The following ALDH3A2 variants were observed in gnomAD, a reference collection of about 807,000 sequenced individuals.
ALDH3A2 encodes the protein aldehyde dehydrogenase family 3 member A2.
ALDH3A2 carries 36 observed loss-of-function variants against 51.3 expected under a neutral mutation model. That is an observed-to-expected ratio of 0.70 (90% CI 0.54 to 0.93). ALDH3A2 has a LOEUF of 0.93. Ranked by LOEUF, ALDH3A2 falls within the 40% of genes least tolerant of loss-of-function variation. The pLI is 0.00. For synonymous variants in ALDH3A2, 199 were observed against 219.8 expected, an observed-to-expected ratio of 0.91 and a Z score of 0.84; for missense variants, 552 against 603.1, an observed-to-expected ratio of 0.92 and a Z score of 0.89.
chr17:19,651,772 G>A lies in ALDH3A2; in HGVS notation c.379G>A (p.Ala127Thr), dbSNP rs1363743696. ...CATTCAGCCACTGATAGGAGCCATCGCTGCAGGTCTGGTGCCACCTTATGT... is the reference window on the plus strand; with the variant it reads ...CATTCAGCCACTGATAGGAGCCATCACTGCAGGTCTGGTGCCACCTTATGT... ...LTIQPLIGAI[A>T]AGNAVIIKPS... The change falls in exon 2 of 10, where the codon GCT becomes ACT. Residue 127 changes from alanine (A) to threonine (T), a missense_variant. By Grantham distance (58) the Ala-to-Thr change is moderately conservative. Transcript: ENST00000176643. 3 of 1,613,904 alleles carry A rather than the reference G, an allele frequency of 1.9e-6. No individual in the cohort carries two copies. The highest frequency in any genetic ancestry group is 1.7e-6 in the Non-Finnish European group (2 of 1,179,846).
At chr17:19,653,575 T>C (rs963555730) in intron 3 of ALDH3A2, among the ~76,000 whole-genome samples, 3 of 147,352 alleles carry the variant, frequency 2.0e-5, no homozygotes, top group Non-Finnish European at 3.0e-5. Flanking sequence ...GCATCTGGAG[T>C]TGTTAGTTCC....
intron 7 of ALDH3A2, 42 bp downstream of exon 7, chr17:19,663,541 CAA>C: frequency 6.3e-7 from 1 of 1,598,240 alleles, no homozygotes; most frequent in Non-Finnish European, 8.6e-7. Flanking sequence ...AAGCAACTGT[CAA>C]GAGTCATGTT....
At chr17:19,673,118 C>G in intron 9 of ALDH3A2, 1 of 1,613,924 alleles carries the variant, frequency 6.2e-7, no homozygotes, top group Non-Finnish European at 8.5e-7. Context: ...TTGGAGATAC[C>G]AGTTGCATTT....
chr17:19,666,778 A>AAAAT (rs150864433), intron 8 of ALDH3A2, among the ~76,000 whole-genome samples: 7,183 of 143,868 alleles, frequency 0.05, 219 homozygotes, highest in African/African-American at 0.081. Context: ...CTCCGATCTC[A>AAAAT]AAATAAATAA....
chr17:19,661,137 G>T lies in ALDH3A2; in HGVS notation c.809G>T (p.Gly270Val). Residue 270 changes from glycine (G) to valine (V), a missense_variant, in exon 6 of 10, where the codon GGA (glycine) becomes GTA (valine). Physicochemically the swap from Gly to Val is moderately radical, Grantham distance 109. Transcript: ENST00000176643. ...TGTTGTTTTAAATAGGAATTTTATG[G>T]AGAAAATATAAAAGAGTCTCCTGAT... ...KIKETVKEFY[G>V]ENIKESPDYE... 2 of 1,610,502 alleles carry T rather than the reference G, an allele frequency of 1.2e-6. No homozygotes were observed. The highest frequency in any genetic ancestry group is 1.7e-6 in the Non-Finnish European group (2 of 1,176,818).
intron 6 of ALDH3A2, among the ~76,000 whole-genome samples, chr17:19,662,985 A>G (rs997558552): frequency 6.6e-6 from 1 of 152,184 alleles, no homozygotes; most frequent in Non-Finnish European, 1.5e-5. Flanking sequence ...AGCCTGGGCA[A>G]CAAGGGCGAA....
upstream of ALDH3A2, chr17:19,648,307 A>C (rs1483979354): frequency 1.3e-5 from 2 of 152,684 alleles, no homozygotes; most frequent in African/African-American, 4.8e-5. Context: ...AGGAAGGAGC[A>C]GGGGACAGGG....
At position 19,650,433 on chromosome 17, in the gene ALDH3A2, T is replaced by G. The variant is rs900857613; in HGVS notation, c.154-1114T>G. 3.3e-5 allele frequency among the ~76,000 whole-genome samples: 5 copies of G among 151,858 alleles called. No homozygotes were observed. The South Asian group carries it at 1.0e-3, about 32-fold the overall frequency. On this transcript the variant is annotated intron_variant, in intron 1 of 9. Coordinates refer to ENST00000176643, the MANE Select transcript of ALDH3A2 (RefSeq NM_000382.3). ...GATACTAGGACTACAGGCATGAGGC[T>G]ATCATCTTGTTTTTGTTTTTGTTTT...
In ALDH3A2 at chr17:19,675,538, T is replaced by C. The variant is rs200034568; in HGVS notation, c.1444-20T>C. The C allele has an allele frequency of 4.3e-6, 7 of 1,613,800 alleles. No homozygotes were observed. Among genetic ancestry groups the C allele is most frequent in the East Asian group, 2.2e-5 (1 of 44,880 alleles). Reference sequence around the variant, plus strand: ...TTTTAAAGCAGCTGAGTAAACTGAATCCTTTTTTCCTCTCTCCAGGCAGAA... The same window carrying C: ...TTTTAAAGCAGCTGAGTAAACTGAACCCTTTTTTCCTCTCTCCAGGCAGAA... On this transcript the variant is annotated intron_variant, in intron 9 of 9. Transcript: ENST00000176643.
intron 3 of ALDH3A2, among the ~76,000 whole-genome samples, chr17:19,655,092 G>C (rs1251032455): frequency 6.6e-6 from 1 of 152,224 alleles, no homozygotes; most frequent in Non-Finnish European, 1.5e-5. Context: ...CCTTCCTGGG[G>C]AGGAAGTTAT....
rs200501128 is a variant in ALDH3A2 at position 19,673,220 on chromosome 17, A to G, written c.1443+1264A>G. The G allele has an allele frequency of 4.2e-5, 67 of 1,614,204 alleles. No individual in the cohort carries two copies. The African/African-American group carries it at 8.0e-4, about 19-fold the overall frequency. On this transcript the variant is annotated intron_variant, in intron 9 of 9. Coordinates refer to ENST00000176643, the MANE Select transcript of ALDH3A2 (RefSeq NM_000382.3). ...GGTAGTTCACAGACTGCGTTGGTCC[A>G]GTAAGCAGAGATGAACACCAGATTT...
At chr17:19,648,164 G>A (rs1025481773), upstream of ALDH3A2, 4 of 152,414 alleles carry the variant, frequency 2.6e-5, no homozygotes, top group Non-Finnish European at 4.4e-5. Context: ...GACGTGCGAG[G>A]ATGATGCTTG....
intron 1 of ALDH3A2, among the ~76,000 whole-genome samples, chr17:19,650,544 C>T (rs1241685154): frequency 6.6e-6 from 1 of 152,078 alleles, no homozygotes; most frequent in African/African-American, 2.4e-5. Context: ...AGCTCCACCT[C>T]CCGGGTTCAC....
intron 5 of ALDH3A2, among the ~76,000 whole-genome samples, chr17:19,660,417 C>G (rs2084951767): frequency 6.6e-6 from 1 of 151,930 alleles, no homozygotes. Flanking sequence ...GTTGGATGAA[C>G]AATGTTCATT....
In ALDH3A2 at chr17:19,675,867, G is replaced by A; in HGVS notation, c.*295G>A. The A allele has an allele frequency of 2.3e-6, 1 of 437,756 alleles. No homozygotes were observed. The highest frequency in any genetic ancestry group is 4.2e-6 in the Non-Finnish European group (1 of 237,550). The allele number at this position is 437,756 out of a possible 1,614,324, so 27.1% of individuals were successfully genotyped here. The stretch of plus-strand genomic sequence containing the variant: ...TAGACTAAATACAAACTGCGGGGTT[G>A]TAAGGGAGTCTCAGAACCTCACTGA... On this transcript the variant is annotated 3_prime_UTR_variant, in exon 10 of 10. Coordinates refer to ENST00000176643, the MANE Select transcript of ALDH3A2 (RefSeq NM_000382.3).
intron 7 of ALDH3A2, 40 bp downstream of exon 7, chr17:19,663,539 G>A (rs2152330733): frequency 1.3e-6 from 2 of 1,597,800 alleles, no homozygotes; most frequent in Non-Finnish European, 1.7e-6. Context: ...ATAAGCAACT[G>A]TCAAGAGTCA....
At chr17:19,652,695 T>C in intron 3 of ALDH3A2, 63 bp downstream of exon 3, 2 of 1,365,212 alleles carry the variant, frequency 1.5e-6, no homozygotes, top group Non-Finnish European at 2.1e-6. Flanking sequence ...CATTTTATTT[T>C]CTTGCTATTG....
In ALDH3A2 at chr17:19,663,401, C is replaced by A. The variant is rs777758188; in HGVS notation, c.1009C>A (p.Leu337Ile). ...VMQEEIFGPI[L>I]PIVPVKNVDE... Reference sequence around the variant, plus strand: ...GCAAGAAGAAATTTTTGGACCAATTCTTCCAATAGTGCCTGTGAAAAATGT... The same window carrying A: ...GCAAGAAGAAATTTTTGGACCAATTATTCCAATAGTGCCTGTGAAAAATGT... Residue 337 changes from leucine to isoleucine, a missense_variant, in exon 7 of 10, where the codon CTT (leucine) becomes ATT (isoleucine). Coordinates refer to ENST00000176643, the MANE Select transcript of ALDH3A2 (RefSeq NM_000382.3). The A allele has an allele frequency of 1.2e-6, 2 of 1,614,018 alleles. No individual in the cohort carries two copies.
At chr17:19,649,408 G>C (rs1181320991) in intron 1 of ALDH3A2, 1 of 428,210 alleles carries the variant, frequency 2.3e-6, no homozygotes. Context: ...TGATGTGTAG[G>C]AACTCTTTGT....
Sources: gnomAD v4.1 joint callset for allele counts (sites outside exome capture counted in the v4.1 genomes callset) on GRCh38, gnomAD v4.1.1 for gene constraint, MANE v1.5 for transcripts, NCBI Gene and HGNC (gene_info 2026-07-23, HGNC 2026-07-21) for gene names.